HERC2: variants seen among roughly 807,000 people sequenced by gnomAD.
HERC2 encodes HECT and RLD domain containing E3 ubiquitin protein ligase 2.
A neutral mutation model predicts 537.7 loss-of-function variants in HERC2; 102 were observed. The observed-to-expected ratio is 0.19, with a 90% CI of 0.16 to 0.22. The LOEUF (loss-of-function observed/expected upper bound fraction) is 0.22. Among genes scored for constraint, HERC2 ranks in the 10% least tolerant of loss-of-function variants. HERC2 has a pLI of 1.00. For synonymous variants in HERC2, 2,224 were observed against 2,466.2 expected (o/e 0.90, Z 2.91); for missense variants, 4,236 against 6,198.2 (o/e 0.68, Z 10.63).
In HERC2 at chr15:28,113,782, C is replaced by A; in HGVS notation, c.13914-104G>T. ...AGCACTGTGGCCGCACACGTCCCAG[C>A]TGGGAGAACAGAGGGAGCAGCTCCA... On this transcript the variant is annotated intron_variant, in intron 90 of 92. Transcript: ENST00000261609. This position sits in a 1 kb window ranked among gnomAD's most constrained non-coding sequence, Gnocchi z 7.0. The A allele has an allele frequency of 1.1e-6, 1 of 891,276 alleles. No homozygotes were observed. The highest frequency in any genetic ancestry group is 1.8e-6 in the Non-Finnish European group (1 of 553,330). The allele number at this position is 891,276 out of a possible 1,614,324, so 55.2% of individuals were successfully genotyped here.
chr15:28,233,512 T>C lies in HERC2; in HGVS notation c.4401A>G (p.Gln1467=). Residue 1467 remains glutamine, a synonymous_variant, in exon 29 of 93, where the codon CAA becomes CAG. Transcript: ENST00000261609. ...ACTTAGGCAACGTTCTGTGCTTTACTTGCTCAATACCAAGTGCACCTGCAT... is the reference window on the plus strand; with the variant it reads ...ACTTAGGCAACGTTCTGTGCTTTACCTGCTCAATACCAAGTGCACCTGCAT... ...LVHAGALGIE[Q]VKHRTLPKSV... 1.9e-6 allele frequency: 3 copies of C among 1,567,736 alleles called. No homozygotes were observed. Among genetic ancestry groups the C allele is most frequent in the South Asian group, 2.2e-5 (2 of 90,044 alleles).
intron 36 of HERC2, among the ~76,000 whole-genome samples, chr15:28,221,261 A>C (rs1183102798): frequency 4.6e-5 from 7 of 151,500 alleles, no homozygotes. Flanking sequence ...TCCTGACCCC[A>C]CAATCCCTCA....
At chr15:28,127,155 C>T (rs1242110864) in intron 83 of HERC2, among the ~76,000 whole-genome samples, 2 of 152,208 alleles carry the variant, frequency 1.3e-5, no homozygotes, top group African/African-American at 4.8e-5. Context: ...TGTCTCCTGC[C>T]CCTGCCTGCT....
rs2076088913 is a variant in HERC2, at chr15:28,283,974, T to C, written c.323-3687A>G. On this transcript the variant is annotated intron_variant, in intron 4 of 92. Coordinates refer to ENST00000261609, the MANE Select transcript of HERC2 (RefSeq NM_004667.6). ...TATAAATAATGAGATATTTTGGGGA[T>C]AGGACCCAAGTCTAAATACATTCAT... Among the ~76,000 whole-genome samples, 3 of 152,180 alleles carry C rather than the reference T, an allele frequency of 2.0e-5. No individual in the cohort carries two copies. In the South Asian group the frequency reaches 6.2e-4, roughly 32 times the overall value.
chr15:28,197,079 T>TA (rs1312825287), intron 50 of HERC2, among the ~76,000 whole-genome samples: 5 of 152,212 alleles, frequency 3.3e-5, no homozygotes, highest in South Asian at 2.1e-4. Context: ...AACAATCTCT[T>TA]AAGCAAAGAA....
Position 28,211,062 on chromosome 15 carries a change from C to G in HERC2, c.7009G>C (p.Asp2337His). The G allele has an allele frequency of 6.2e-7, 1 of 1,611,856 alleles. No homozygotes were observed. Among genetic ancestry groups the G allele is most frequent in the South Asian group, 1.1e-5 (1 of 90,972 alleles). ...KAGRALLSHQ[D>H]KLRQILSQPA... ...TGAGACAGGATCTGCCGCAGTTTAT[C>G]CTGGTGGGAGAGCAGCGCCCGACCT... Residue 2337 changes from aspartate to histidine, a missense_variant, in exon 44 of 93, where the codon GAT (aspartate) becomes CAT (histidine). Coordinates refer to ENST00000261609, the MANE Select transcript of HERC2 (RefSeq NM_004667.6).
At chr15:28,224,907 G>A (rs1203392770) in intron 35 of HERC2, among the ~76,000 whole-genome samples, 1 of 152,206 alleles carries the variant, frequency 6.6e-6, no homozygotes, top group Non-Finnish European at 1.5e-5. Flanking sequence ...GTGGGTCAAA[G>A]AAGAAATCAC....
At chr15:28,267,839 C>T (rs2140968260) in intron 12 of HERC2, among the ~76,000 whole-genome samples, 1 of 152,366 alleles carries the variant, frequency 6.6e-6, no homozygotes, top group East Asian at 1.9e-4. Context: ...CTCAGGGCTC[C>T]AGCCCACAAG....
chr15:28,168,308 C>A, intron 67 of HERC2, 99 bp downstream of exon 67: 1 of 1,215,440 alleles, frequency 8.2e-7, no homozygotes, highest in East Asian at 2.4e-5. Context: ...GCGGGAGGCA[C>A]AGAAACAGCC....
chr15:28,262,043 TAAGAAAAAG>T (rs1390809426), intron 15 of HERC2, among the ~76,000 whole-genome samples: 1 of 152,164 alleles, frequency 6.6e-6, no homozygotes, highest in Non-Finnish European at 1.5e-5. Context: ...TCTGGTCCTT[TAAGAAAAAG>T]GCTGCCCACC....
rs141413472 is a variant in HERC2, at chr15:28,286,699, G to A, written c.322+6189C>T. 3.4e-3 allele frequency among the ~76,000 whole-genome samples: 525 copies of A among 152,238 alleles called. 3 individuals are homozygous for A. Among genetic ancestry groups the A allele is most frequent in the African/African-American group, 0.011 (473 of 41,536 alleles). On this transcript the variant is annotated intron_variant, in intron 4 of 92. Transcript: ENST00000261609. ...AGGGTCCTCCCAGACCTATTTACAC[G>A]GCAGAGAGAATCATTAAGAATGATT...
At chr15:28,225,514 G>A (rs1419814744) in intron 35 of HERC2, among the ~76,000 whole-genome samples, 4 of 151,802 alleles carry the variant, frequency 2.6e-5, no homozygotes, top group South Asian at 2.1e-4. Context: ...TGGTCAACAC[G>A]GTGAAACCCC....
intron 8 of HERC2, 51 bp from the exon 9 acceptor site, chr15:28,272,437 T>G (rs1373048524): frequency 5.3e-6 from 8 of 1,503,072 alleles, no homozygotes; most frequent in Middle Eastern, 1.7e-4. Context: ...ACTTCTTTTC[T>G]TCACAGTTGA....
intron 4 of HERC2, among the ~76,000 whole-genome samples, chr15:28,288,998 A>T (rs954128025): frequency 1.3e-5 from 2 of 152,014 alleles, no homozygotes; most frequent in African/African-American, 4.8e-5. Flanking sequence ...CCAACCAAGA[A>T]CATGTCAGAA....
At chr15:28,290,719 A>G (rs1238964679) in intron 4 of HERC2, among the ~76,000 whole-genome samples, 2 of 152,254 alleles carry the variant, frequency 1.3e-5, no homozygotes, top group African/African-American at 4.8e-5. Flanking sequence ...AAGCGGGTAA[A>G]AGAAGAAATT....
intron 86 of HERC2, among the ~76,000 whole-genome samples, chr15:28,119,986 G>A (rs2142076626): frequency 6.6e-6 from 1 of 152,200 alleles, no homozygotes; most frequent in Admixed American, 6.5e-5. Context: ...CCCACCCTGA[G>A]AGCCCCTGGC....
In HERC2 at chr15:28,272,261, C is replaced by T. The variant is rs1025351977; in HGVS notation, c.1037G>A (p.Ser346Asn). 6.2e-7 allele frequency: 1 copy of T among 1,611,612 alleles called. No homozygotes were observed. The highest frequency in any genetic ancestry group is 8.5e-7 in the Non-Finnish European group (1 of 1,179,192). Residue 346 changes from serine (S) to asparagine (N), a missense_variant, in exon 9 of 93, where the codon AGC becomes AAC. This residue lies in a region of HERC2 where 491 missense variants were observed against 559.3 expected (regional missense o/e 0.88). Transcript: ENST00000261609. Reference sequence around the variant, plus strand: ...GGGTGCATCCTTCCTGCAAATGATGCTCTGGAACCTTTGCAGCAAGGGCAA... The same window carrying T: ...GGGTGCATCCTTCCTGCAAATGATGTTCTGGAACCTTTGCAGCAAGGGCAA... ...PLLPLLQRFQSIICRKDAPHS... is the reference protein window; with the variant it reads ...PLLPLLQRFQNIICRKDAPHS...
At chr15:28,120,881 G>A (rs1888806385) in intron 86 of HERC2, among the ~76,000 whole-genome samples, 1 of 152,172 alleles carries the variant, frequency 6.6e-6, no homozygotes, top group Admixed American at 6.5e-5. Flanking sequence ...AGTAAACCAG[G>A]ACACACCCCT....
At position 28,273,803 on chromosome 15, in the gene HERC2, A is replaced by G. The variant is rs188644107; in HGVS notation, c.800+488T>C. On this transcript the variant is annotated intron_variant, in intron 7 of 92. Transcript: ENST00000261609. ...AATTTAAAAACCTTAACAAAAATGC[A>G]TAGCACCCAAGACCAGAGTTCATGT... Among the ~76,000 whole-genome samples the G allele has an allele frequency of 4.9e-4, 75 of 152,364 alleles. No individual in the cohort carries two copies. In the East Asian group the frequency reaches 0.01, roughly 20 times the overall value.
Sources: gnomAD v4.1 joint callset for allele counts (sites outside exome capture counted in the v4.1 genomes callset) on GRCh38, gnomAD v4.1.1 for gene constraint, gnomAD v4.1.1 regional missense constraint, Gnocchi (gnomAD v3.1) non-coding constraint, MANE v1.5 for transcripts, NCBI Gene and HGNC (gene_info 2026-07-23, HGNC 2026-07-21) for gene names.